The following KCNQ5 variants were observed in gnomAD, a reference collection of about 807,000 sequenced individuals.
KCNQ5 encodes potassium voltage-gated channel subfamily KQT member 5.
Under a neutral mutation model 98.2 loss-of-function variants are expected in KCNQ5, and 30 were observed. The observed-to-expected ratio is 0.31, with a 90% CI of 0.23 to 0.41. The LOEUF is 0.41. Ranked by LOEUF, KCNQ5 falls within the 10% of genes least tolerant of loss-of-function variation. The pLI is 1.00. For synonymous variants in KCNQ5, 458 were observed against 449.4 expected, an observed-to-expected ratio of 1.02 and a Z score of -0.24; for missense variants, 835 against 1,182.5, an observed-to-expected ratio of 0.71 and a Z score of 4.31.
chr6:72,635,684 T>G (rs957478536), intron 1 of KCNQ5, among the ~76,000 whole-genome samples: 2 of 149,190 alleles, frequency 1.3e-5, no homozygotes, highest in Non-Finnish European at 3.0e-5. Context: ...TTTTTTTTTT[T>G]TTTTTTTTTT....
intron 10 of KCNQ5, chr6:73,136,098 A>T (rs1341678655): frequency 6.6e-6 from 1 of 152,222 alleles, no homozygotes; most frequent in Non-Finnish European, 1.5e-5. Flanking sequence ...GCTCACCCAC[A>T]TCACAGCATC....
intron 1 of KCNQ5, among the ~76,000 whole-genome samples, chr6:72,625,471 T>C (rs1261361320): frequency 6.6e-6 from 1 of 152,246 alleles, no homozygotes; most frequent in Non-Finnish European, 1.5e-5. Context: ...CCCTGAATGT[T>C]GTTTGTCCCT....
At chr6:73,071,965 T>C (rs768510275) in intron 3 of KCNQ5, among the ~76,000 whole-genome samples, 2 of 152,172 alleles carry the variant, frequency 1.3e-5, no homozygotes, top group Non-Finnish European at 2.9e-5. Context: ...TTTATTAAAA[T>C]TATTCAAAAC....
intron 5 of KCNQ5, among the ~76,000 whole-genome samples, chr6:73,088,022 TC>T (rs1191931579): frequency 8.2e-5 from 9 of 109,692 alleles, no homozygotes; most frequent in East Asian, 2.4e-4. Flanking sequence ...TCTCTCTCTC[TC>T]TTTTTTTTTT....
chr6:73,167,163 C>T (rs1256306431), intron 10 of KCNQ5, among the ~76,000 whole-genome samples: 2 of 152,126 alleles, frequency 1.3e-5, no homozygotes, highest in Non-Finnish European at 2.9e-5. Context: ...GTGGTCAATC[C>T]AGCAAACTGG....
chr6:73,073,500 C>T (rs1773383993), intron 3 of KCNQ5, among the ~76,000 whole-genome samples: 1 of 152,136 alleles, frequency 6.6e-6, no homozygotes, highest in South Asian at 2.1e-4. Flanking sequence ...AAAATGTCTC[C>T]AGACATTGCT....
At chr6:72,995,380 A>G (rs1344604050) in intron 1 of KCNQ5, among the ~76,000 whole-genome samples, 1 of 152,102 alleles carries the variant, frequency 6.6e-6, no homozygotes, top group Non-Finnish European at 1.5e-5. Context: ...AAAAAAAAAA[A>G]AAAAAGGGAA....
At chr6:72,647,500 G>A (rs764692837) in intron 1 of KCNQ5, among the ~76,000 whole-genome samples, 2 of 151,954 alleles carry the variant, frequency 1.3e-5, no homozygotes, top group Non-Finnish European at 2.9e-5. Flanking sequence ...CATAAGATGA[G>A]AGAAAGAAAG....
At chr6:72,693,585 G>A (rs924724309) in intron 1 of KCNQ5, among the ~76,000 whole-genome samples, 1 of 152,096 alleles carries the variant, frequency 6.6e-6, no homozygotes, top group Non-Finnish European at 1.5e-5. Context: ...AAATGTTAGG[G>A]CCCAGTAAAG....
chr6:72,759,824 A>G (rs1206877612), intron 1 of KCNQ5, among the ~76,000 whole-genome samples: 1 of 152,130 alleles, frequency 6.6e-6, no homozygotes, highest in African/African-American at 2.4e-5. Flanking sequence ...AAAAGTGCAA[A>G]TATCAGTAAA....
chr6:73,041,742 A>G (rs1353347671), intron 2 of KCNQ5, among the ~76,000 whole-genome samples, 194 bp from the exon 3 acceptor site: 1 of 152,196 alleles, frequency 6.6e-6, no homozygotes, highest in East Asian at 1.9e-4. Context: ...CCATGATAGG[A>G]AATGCAGACA....
intron 1 of KCNQ5, among the ~76,000 whole-genome samples, chr6:72,732,093 G>A (rs1035947801): frequency 3.3e-5 from 5 of 152,102 alleles, no homozygotes; most frequent in Non-Finnish European, 7.4e-5. Flanking sequence ...TCAGTAAGGG[G>A]TTAAAATACA....
At chr6:72,990,340 T>C (rs1226690706) in intron 1 of KCNQ5, among the ~76,000 whole-genome samples, 18 of 43,626 alleles carry the variant, frequency 4.1e-4, no homozygotes, top group African/African-American at 1.6e-3. Flanking sequence ...CCTTGAGCAG[T>C]GGTTTGTAGT....
chr6:73,020,845 G>A (rs1365189030), intron 2 of KCNQ5, among the ~76,000 whole-genome samples: 3 of 151,970 alleles, frequency 2.0e-5, no homozygotes, highest in Admixed American at 6.6e-5. Context: ...CTACACACAG[G>A]CTTCTCACAT....
At chr6:72,759,559 T>C (rs1486892906) in intron 1 of KCNQ5, among the ~76,000 whole-genome samples, 2 of 152,132 alleles carry the variant, frequency 1.3e-5, no homozygotes, top group Non-Finnish European at 1.5e-5. Context: ...TGTATGTAAA[T>C]GGAGGACTGT....
intron 1 of KCNQ5, among the ~76,000 whole-genome samples, chr6:72,693,764 C>A (rs951864168): frequency 2.0e-5 from 3 of 152,152 alleles, no homozygotes; most frequent in African/African-American, 4.8e-5. Flanking sequence ...TAGCACCCCA[C>A]TGATTTAATT....
intron 1 of KCNQ5, among the ~76,000 whole-genome samples, chr6:72,747,752 C>A (rs1771476674): frequency 6.6e-6 from 1 of 152,124 alleles, no homozygotes; most frequent in South Asian, 2.1e-4. Flanking sequence ...TAAAATAATT[C>A]TTATACTGTA....
At chr6:72,686,773 G>GT (rs1565079536) in intron 1 of KCNQ5, among the ~76,000 whole-genome samples, 3 of 145,652 alleles carry the variant, frequency 2.1e-5, no homozygotes, top group Admixed American at 6.9e-5. Flanking sequence ...GACTACTGTG[G>GT]TACAGGTTAT....
rs551650034 is a variant in KCNQ5, at chr6:73,056,225, G to C, written c.616+14163G>C. ...AGAGCCTGTCTGCCCCCAGGAGCTA[G>C]TCCTGTGCTTGTCTGTAGTCAGGCC... On this transcript the variant is annotated intron_variant, in intron 3 of 13. Coordinates refer to ENST00000370398, the MANE Select transcript of KCNQ5 (RefSeq NM_019842.4). Among the ~76,000 whole-genome samples the C allele has an allele frequency of 1.7e-4, 26 of 152,328 alleles. 1 individual carries two copies. Among genetic ancestry groups the C allele is most frequent in the Admixed American group, 4.6e-4 (7 of 15,306 alleles).
Sources: allele counts gnomAD v4.1 joint callset (sites outside exome capture counted in the v4.1 genomes callset), GRCh38; gene constraint gnomAD v4.1.1; transcripts MANE v1.5; gene names NCBI Gene and HGNC (gene_info 2026-07-23, HGNC 2026-07-21).